Variants in FREM1 observed in about 807,000 individuals in gnomAD.
FREM1 encodes FRAS1 related extracellular matrix 1.
Under a neutral mutation model 210.1 loss-of-function variants are expected in FREM1, and 220 were observed. The ratio of observed to expected loss-of-function variants is 1.05; its 90% CI spans 0.94 to 1.17. The LOEUF (loss-of-function observed/expected upper bound fraction) is 1.17, where lower values mean the gene tolerates loss of function less well. FREM1 is among the 50% of genes most tolerant of loss of function. FREM1 has a pLI of 0.00. For missense variants in FREM1, 3,454 were observed against 2,675.5 expected (o/e 1.29, Z -6.42); for synonymous variants, 1,189 against 980.2 (o/e 1.21, Z -3.98).
rs201002953 is a variant in FREM1 at position 14,747,419 on chromosome 9, T to A, written c.5854A>T (p.Ile1952Leu). ...TCATCCTCCAGTTTCAAGGAAACTA[T>A]CCCATGATACTTGAGGAAACCAACA... ...GTDIIYNYHG[I>L]VSLKLEDDSF... The change falls in exon 33 of 37, where the codon ATA becomes TTA. Residue 1952 changes from isoleucine (I) to leucine (L), a missense_variant. Coordinates refer to ENST00000380880, the MANE Select transcript of FREM1 (RefSeq NM_001379081.2). 6.1e-4 allele frequency: 982 copies of A among 1,613,074 alleles called. 1 individual carries two copies. Among genetic ancestry groups the A allele is most frequent in the Non-Finnish European group, 7.9e-4 (935 of 1,179,496 alleles).
intron 10 of FREM1, among the ~76,000 whole-genome samples, chr9:14,833,120 G>C (rs1347808724): frequency 6.6e-6 from 1 of 152,064 alleles, no homozygotes; most frequent in South Asian, 2.1e-4. Flanking sequence ...CCTGGGTAAG[G>C]GCCACAAAAT....
rs762215552 is a variant in FREM1 at position 14,842,675 on chromosome 9, A to G, written c.1394-15T>C. 52 of 1,593,160 alleles carry G rather than the reference A, an allele frequency of 3.3e-5. 1 individual carries two copies. The Middle Eastern group carries it at 1.2e-3, about 37-fold the overall frequency. ...CCCTTTCCCCCCTGAGGGAGAGAGC[A>G]GAGATGGAGCAGATTGAGCAAGGGA... On this transcript the variant is annotated splice_polypyrimidine_tract_variant and intron_variant, in intron 8 of 36. Coordinates refer to ENST00000380880, the MANE Select transcript of FREM1 (RefSeq NM_001379081.2).
rs1013417376 is a variant in FREM1 at position 14,882,953 on chromosome 9, G to T, written c.-267-13709C>A. ...AGGAATCACCCATCTTGCCTCCAAA[G>T]TTCCCCTGTCAGACCAATAATCTAT... On this transcript the variant is annotated intron_variant, in intron 1 of 36. Transcript: ENST00000380880. Among the ~76,000 whole-genome samples, 12 of 119,410 alleles carry T rather than the reference G, an allele frequency of 1.0e-4. No homozygotes were observed. In the South Asian group the frequency reaches 3.5e-3, roughly 35 times the overall value. The allele number at this position is 119,410 out of a possible 152,430, so 78.3% of individuals were successfully genotyped here.
intron 21 of FREM1, among the ~76,000 whole-genome samples, chr9:14,793,605 G>A (rs944292117): frequency 6.6e-6 from 1 of 152,134 alleles, no homozygotes. Context: ...CCCTGGTCTC[G>A]CCAAAGTGAG....
chr9:14,804,877 G>C, intron 19 of FREM1, 79 bp downstream of exon 19: 2 of 1,051,326 alleles, frequency 1.9e-6, no homozygotes, highest in Non-Finnish European at 2.9e-6. Flanking sequence ...TAATGCACTT[G>C]GAGCAATGTA....
intron 27 of FREM1, among the ~76,000 whole-genome samples, chr9:14,765,900 A>G (rs574790739): frequency 6.6e-5 from 10 of 152,342 alleles, no homozygotes; most frequent in African/African-American, 2.2e-4. Flanking sequence ...GTATTAGGAA[A>G]ACAACTTTGG....
intron 21 of FREM1, among the ~76,000 whole-genome samples, chr9:14,794,197 G>C (rs763220650): frequency 6.6e-6 from 1 of 152,158 alleles, no homozygotes; most frequent in Non-Finnish European, 1.5e-5. Flanking sequence ...TTTGTGAAGT[G>C]ATTCCAGGAG....
chr9:14,842,009 C>G (rs918524329), intron 9 of FREM1, among the ~76,000 whole-genome samples: 1 of 152,096 alleles, frequency 6.6e-6, no homozygotes, highest in Non-Finnish European at 1.5e-5. Context: ...GTCAAAAAAT[C>G]TCCTTTTAGA....
intron 24 of FREM1, among the ~76,000 whole-genome samples, chr9:14,776,417 CCAA>C (rs756990035): frequency 3.3e-5 from 5 of 152,148 alleles, no homozygotes; most frequent in Admixed American, 6.5e-5. Context: ...GAATATTTTC[CCAA>C]CAACATTAAT....
chr9:14,799,372 T>C (rs1194916028), intron 20 of FREM1, among the ~76,000 whole-genome samples: 3 of 152,138 alleles, frequency 2.0e-5, no homozygotes, highest in Non-Finnish European at 4.4e-5. Context: ...GGGGGATGTT[T>C]ATGAGAATAT....
chr9:14,761,869 G>T (rs993594894), intron 27 of FREM1, among the ~76,000 whole-genome samples: 2 of 152,144 alleles, frequency 1.3e-5, no homozygotes, highest in African/African-American at 2.4e-5. Flanking sequence ...ACATAATCAT[G>T]GCCCCAAAGT....
chr9:14,750,376 T>C, intron 29 of FREM1, 100 bp from the exon 30 acceptor site: 1 of 888,390 alleles, frequency 1.1e-6, no homozygotes, highest in Non-Finnish European at 1.7e-6. Flanking sequence ...TAGACTGCAG[T>C]AGCCCGAGTG....
At chr9:14,908,925 C>T (rs953887633) in intron 1 of FREM1, among the ~76,000 whole-genome samples, 8 of 152,140 alleles carry the variant, frequency 5.3e-5, no homozygotes, top group Admixed American at 6.5e-5. Flanking sequence ...TTTCCTAGAG[C>T]TGCACTGAAG....
chr9:14,799,190 G>C (rs545576111), intron 20 of FREM1, among the ~76,000 whole-genome samples: 4 of 151,984 alleles, frequency 2.6e-5, no homozygotes, highest in African/African-American at 9.6e-5. Context: ...GGAGGCTGAG[G>C]TCAGAGGATC....
At chr9:14,860,727 A>ATGCACATATATACG (rs1461134170) in intron 3 of FREM1, among the ~76,000 whole-genome samples, 1 of 120,110 alleles carries the variant, frequency 8.3e-6, no homozygotes, top group African/African-American at 3.6e-5. Context: ...ACACATATAT[A>ATGCACATATATACG]CACATATATA....
At chr9:14,885,400 A>G (rs1445905905) in intron 1 of FREM1, among the ~76,000 whole-genome samples, 1 of 152,032 alleles carries the variant, frequency 6.6e-6, no homozygotes, top group African/African-American at 2.4e-5. Context: ...AAAATTGTGT[A>G]TATTTATGAT....
intron 29 of FREM1, among the ~76,000 whole-genome samples, chr9:14,753,730 G>C (rs1283527889): frequency 2.0e-5 from 3 of 152,174 alleles, no homozygotes; most frequent in Non-Finnish European, 4.4e-5. Flanking sequence ...AAGAGGCAAG[G>C]ATTAACAAGA....
intron 21 of FREM1, 79 bp downstream of exon 21, chr9:14,797,419 C>G (rs1188111245): frequency 8.5e-7 from 1 of 1,180,572 alleles, no homozygotes; most frequent in Non-Finnish European, 1.1e-6. Context: ...TTGGGAGACA[C>G]ACACACACCT....
intron 1 of FREM1, among the ~76,000 whole-genome samples, chr9:14,879,138 C>G (rs1394773099): frequency 7.5e-6 from 1 of 132,944 alleles, no homozygotes; most frequent in Non-Finnish European, 1.5e-5. Context: ...GCCTGGGTGA[C>G]AAGAGCAAGA....
Sources: allele counts gnomAD v4.1 joint callset (sites outside exome capture counted in the v4.1 genomes callset), GRCh38; gene constraint gnomAD v4.1.1; transcripts MANE v1.5; gene names NCBI Gene and HGNC (gene_info 2026-07-23, HGNC 2026-07-21).